Variants in EZH2 observed in about 807,000 individuals in gnomAD.
EZH2 encodes the protein enhancer of zeste 2 polycomb repressive complex 2 subunit.
A neutral mutation model predicts 98.4 loss-of-function variants in EZH2; 18 were observed. That is an observed-to-expected ratio of 0.18 (90% CI 0.13 to 0.27). The LOEUF (loss-of-function observed/expected upper bound fraction) is 0.27, where lower values mean the gene tolerates loss of function less well. Ranked by LOEUF, EZH2 falls within the 10% of genes least tolerant of loss-of-function variation. The pLI is 1.00. For synonymous variants in EZH2, 338 were observed against 312.3 expected (o/e 1.08, Z -0.87); for missense variants, 470 against 935.1 (o/e 0.50, Z 6.49).
chr7:148,809,228 C>A, intron 18 of EZH2, 73 bp from the exon 19 acceptor site: 1 of 1,586,828 alleles, frequency 6.3e-7, no homozygotes, highest in Non-Finnish European at 8.7e-7. Context: ...GTTCACATAA[C>A]AAACAACTAT....
chr7:148,818,616 T>C (rs994201460), intron 9 of EZH2, among the ~76,000 whole-genome samples: 2 of 152,214 alleles, frequency 1.3e-5, no homozygotes, highest in African/African-American at 4.8e-5. Flanking sequence ...ACAAACATGC[T>C]TGACTTTGTC....
intron 3 of EZH2, among the ~76,000 whole-genome samples, chr7:148,836,350 C>G (rs1810929846): frequency 6.6e-6 from 1 of 152,176 alleles, no homozygotes; most frequent in Admixed American, 6.5e-5. Context: ...TAACTAACAA[C>G]CATATTCCTT....
At chr7:148,848,926 T>C (rs1388405984) in intron 1 of EZH2, among the ~76,000 whole-genome samples, 5 of 145,798 alleles carry the variant, frequency 3.4e-5, no homozygotes, top group Non-Finnish European at 3.0e-5. Flanking sequence ...TCCCATATAC[T>C]TTTTTTTTTT....
At chr7:148,832,786 A>G in intron 3 of EZH2, 36 bp from the exon 4 acceptor site, 1 of 1,332,644 alleles carries the variant, frequency 7.5e-7, no homozygotes, top group Non-Finnish European at 1.1e-6. Context: ...TCTTAAGAAT[A>G]AAAGGACAAC....
intron 1 of EZH2, among the ~76,000 whole-genome samples, chr7:148,859,857 G>A (rs1817413517): frequency 1.3e-5 from 2 of 152,206 alleles, no homozygotes; most frequent in Admixed American, 1.3e-4. Context: ...ATTTTGATCA[G>A]GCATTAAAAC....
In EZH2 at chr7:148,842,385, C is replaced by T. The variant is rs185873138; in HGVS notation, c.246+4085G>A. ...AGAGTAACTCTTAAACCAGTTTCTT[C>T]ATTAAAAATGGAAAAAGAGACACAA... On this transcript the variant is annotated intron_variant, in intron 3 of 19. Transcript: ENST00000320356. Among the ~76,000 whole-genome samples, 191 of 152,236 alleles carry T rather than the reference C, an allele frequency of 1.3e-3. 1 individual carries two copies. Among genetic ancestry groups the T allele is most frequent in the African/African-American group, 4.5e-3 (188 of 41,542 alleles).
At chr7:148,874,086 T>C (rs771104040) in intron 1 of EZH2, among the ~76,000 whole-genome samples, 10 of 151,974 alleles carry the variant, frequency 6.6e-5, no homozygotes, top group African/African-American at 1.2e-4. Flanking sequence ...GAGAAAGATA[T>C]AAGAAGAAAA....
At chr7:148,878,856 G>A (rs1348516680) in intron 1 of EZH2, among the ~76,000 whole-genome samples, 1 of 151,948 alleles carries the variant, frequency 6.6e-6, no homozygotes, top group Non-Finnish European at 1.5e-5. Context: ...CTGAGATCAC[G>A]CATCTGCACT....
At chr7:148,880,591 A>G (rs1262990756) in intron 1 of EZH2, among the ~76,000 whole-genome samples, 3 of 152,228 alleles carry the variant, frequency 2.0e-5, no homozygotes, top group South Asian at 2.1e-4. Flanking sequence ...ACTACAGATT[A>G]TAACTAGGAA....
intron 11 of EZH2, 60 bp downstream of exon 11, chr7:148,817,162 A>G: frequency 6.8e-7 from 1 of 1,472,006 alleles, no homozygotes; most frequent in Non-Finnish European, 9.1e-7. Context: ...TTGGACAACG[A>G]GTACAGTTTT....
At chr7:148,870,837 G>A (rs1819259895) in intron 1 of EZH2, among the ~76,000 whole-genome samples, 1 of 151,978 alleles carries the variant, frequency 6.6e-6, no homozygotes, top group South Asian at 2.1e-4. Flanking sequence ...GCTGAGGCAG[G>A]AGAATCACTT....
intron 1 of EZH2, among the ~76,000 whole-genome samples, chr7:148,864,446 G>A (rs751443339): frequency 1.5e-4 from 23 of 152,294 alleles, no homozygotes; most frequent in Non-Finnish European, 2.8e-4. Context: ...ACTTTGGGAG[G>A]CTAAGGCAGG....
At chr7:148,831,109 C>A (rs969138344) in intron 4 of EZH2, among the ~76,000 whole-genome samples, 1 of 152,144 alleles carries the variant, frequency 6.6e-6, no homozygotes, top group Non-Finnish European at 1.5e-5. Flanking sequence ...AAAGGCCACA[C>A]ACAGGACTAG....
chr7:148,864,683 CAAAAAAAAA>C (rs200348491), intron 1 of EZH2, among the ~76,000 whole-genome samples: 1 of 81,482 alleles, frequency 1.2e-5, no homozygotes, highest in African/African-American at 4.2e-5. Context: ...GAGACTGTCT[CAAAAAAAAA>C]AAAAAAAGGA....
At chr7:148,867,691 T>C (rs919117560) in intron 1 of EZH2, among the ~76,000 whole-genome samples, 13 of 152,232 alleles carry the variant, frequency 8.5e-5, no homozygotes, top group African/African-American at 3.1e-4. Context: ...GATTTTCTTT[T>C]CTACCACATG....
intron 3 of EZH2, among the ~76,000 whole-genome samples, chr7:148,839,599 G>T: frequency 6.6e-6 from 1 of 151,002 alleles, no homozygotes; most frequent in Admixed American, 6.6e-5. Context: ...TTTTGAGATT[G>T]AGTCTTGTGA....
rs528278067 is a variant in EZH2, at chr7:148,851,800, G to C, written c.-7-4495C>G. Reference sequence around the variant, plus strand: ...GTGGGAGGATCTCTTGAGCCTGTGAGGTGGAGACTGCAGTGAACTGTCTTC... The same window carrying C: ...GTGGGAGGATCTCTTGAGCCTGTGACGTGGAGACTGCAGTGAACTGTCTTC... On this transcript the variant is annotated intron_variant, in intron 1 of 19. Transcript: ENST00000320356. Among the ~76,000 whole-genome samples, 3 of 152,312 alleles carry C rather than the reference G, an allele frequency of 2.0e-5. No individual in the cohort carries two copies. The East Asian group carries it at 5.8e-4, about 29-fold the overall frequency.
Position 148,872,599 on chromosome 7 carries a change from C to T in EZH2, c.-8+11565G>A, listed in dbSNP as rs560920800. Among the ~76,000 whole-genome samples the T allele has an allele frequency of 3.3e-5, 5 of 152,256 alleles. No homozygotes were observed. In the East Asian group the frequency reaches 5.8e-4, roughly 18 times the overall value. On this transcript the variant is annotated intron_variant, in intron 1 of 19. Transcript: ENST00000320356. ...TTAGTTCTATTATGTGCAAGCATATCGTAGGAACTCATGTATCTACAAACA... is the reference window on the plus strand; with the variant it reads ...TTAGTTCTATTATGTGCAAGCATATTGTAGGAACTCATGTATCTACAAACA...
chr7:148,868,579 T>A (rs1384520944), intron 1 of EZH2, among the ~76,000 whole-genome samples: 1 of 152,150 alleles, frequency 6.6e-6, no homozygotes, highest in African/African-American at 2.4e-5. Context: ...ACGCGTGATT[T>A]GGGTGGGGCC....
Sources: gnomAD v4.1 joint callset for allele counts (sites outside exome capture counted in the v4.1 genomes callset) on GRCh38, gnomAD v4.1.1 for gene constraint, MANE v1.5 for transcripts, NCBI Gene and HGNC (gene_info 2026-07-23, HGNC 2026-07-21) for gene names.